The following FSHR variants were observed in gnomAD, a reference collection of about 807,000 sequenced individuals.
The protein encoded by FSHR is follicle-stimulating hormone receptor.
FSHR carries 46 observed loss-of-function variants against 52.1 expected under a neutral mutation model. The ratio of observed to expected loss-of-function variants is 0.88; its 90% CI spans 0.70 to 1.13. FSHR has a LOEUF of 1.13. Ranked by LOEUF, FSHR falls within the 50% of genes most tolerant of loss-of-function variation. FSHR has a pLI of 0.00. For missense variants in FSHR, 964 were observed against 834.6 expected (o/e 1.16, Z -1.91); for synonymous variants, 399 against 309.6 (o/e 1.29, Z -3.03).
At chr2:48,974,005 G>A (rs1486333153) in intron 8 of FSHR, among the ~76,000 whole-genome samples, 1 of 145,096 alleles carries the variant, frequency 6.9e-6, no homozygotes, top group South Asian at 2.1e-4. Context: ...GTAAGTAGTT[G>A]TCTGATAAGC....
At chr2:49,134,944 T>C (rs1291428378) in intron 1 of FSHR, among the ~76,000 whole-genome samples, 4 of 152,168 alleles carry the variant, frequency 2.6e-5, no homozygotes, top group Middle Eastern at 3.4e-3. Flanking sequence ...AGGGATAGCA[T>C]TGGGAGATAT....
intron 1 of FSHR, among the ~76,000 whole-genome samples, chr2:49,151,766 T>G (rs79347228): frequency 2.1e-4 from 32 of 152,148 alleles, no homozygotes; most frequent in Non-Finnish European, 4.3e-4. Context: ...AGATACTTAG[T>G]TGAACAGTCC....
At chr2:48,989,333 A>G (rs1675663809) in intron 5 of FSHR, among the ~76,000 whole-genome samples, 1 of 136,446 alleles carries the variant, frequency 7.3e-6, no homozygotes, top group Non-Finnish European at 1.5e-5. Context: ...CCCAGGCTGG[A>G]GTGCAGTGGT....
chr2:49,000,430 T>C (rs1380065973), intron 4 of FSHR, among the ~76,000 whole-genome samples: 1 of 152,138 alleles, frequency 6.6e-6, no homozygotes, highest in Non-Finnish European at 1.5e-5. Flanking sequence ...TTGTCACTAT[T>C]GATGTTTGTG....
intron 4 of FSHR, among the ~76,000 whole-genome samples, chr2:49,008,634 G>A (rs1340087092): frequency 1.2e-4 from 17 of 142,222 alleles, no homozygotes; most frequent in Admixed American, 1.0e-3. Context: ...CTAGTTTACA[G>A]TCCCACCAAC....
intron 8 of FSHR, 96 bp downstream of exon 8, chr2:48,982,816 G>A: frequency 9.4e-7 from 1 of 1,067,172 alleles, no homozygotes; most frequent in Non-Finnish European, 1.5e-6. Context: ...TTGATGGCCA[G>A]CCCTGTGTTG....
At chr2:49,108,396 T>C (rs1442835925) in intron 1 of FSHR, among the ~76,000 whole-genome samples, 1 of 152,170 alleles carries the variant, frequency 6.6e-6, no homozygotes, top group African/African-American at 2.4e-5. Flanking sequence ...TGGAGAACCC[T>C]GACCTAATAC....
At chr2:49,060,484 A>G (rs1294016318) in intron 2 of FSHR, among the ~76,000 whole-genome samples, 1 of 152,054 alleles carries the variant, frequency 6.6e-6, no homozygotes, top group Non-Finnish European at 1.5e-5. Flanking sequence ...GTGGTCACAC[A>G]CCCCAGTACC....
At chr2:49,022,733 T>G (rs2104230920) in intron 2 of FSHR, among the ~76,000 whole-genome samples, 1 of 152,252 alleles carries the variant, frequency 6.6e-6, no homozygotes, top group East Asian at 1.9e-4. Flanking sequence ...GATTCTTTGT[T>G]GCAAAATAAG....
At chr2:49,065,180 G>A (rs761304751) in intron 2 of FSHR, among the ~76,000 whole-genome samples, 1 of 152,066 alleles carries the variant, frequency 6.6e-6, no homozygotes, top group Admixed American at 6.6e-5. Context: ...GGAAATAAAG[G>A]GTTTTGATTT....
At chr2:48,975,387 C>G (rs1674940499) in intron 8 of FSHR, among the ~76,000 whole-genome samples, 1 of 152,112 alleles carries the variant, frequency 6.6e-6, no homozygotes, top group Non-Finnish European at 1.5e-5. Context: ...AATCCAACAC[C>G]TGAACACTGG....
At chr2:48,965,517 G>C (rs1289919965) in intron 9 of FSHR, among the ~76,000 whole-genome samples, 1 of 152,140 alleles carries the variant, frequency 6.6e-6, no homozygotes. Flanking sequence ...GGGAGAAGAG[G>C]GGTATCCTGT....
intron 1 of FSHR, among the ~76,000 whole-genome samples, chr2:49,135,776 A>T (rs894624456): frequency 6.6e-6 from 1 of 152,218 alleles, no homozygotes; most frequent in Admixed American, 6.5e-5. Flanking sequence ...TGTGTATTGT[A>T]TACTGTATTC....
chr2:49,068,316 T>C, intron 1 of FSHR, 26 bp from the exon 2 acceptor site: 1 of 1,569,930 alleles, frequency 6.4e-7, no homozygotes, highest in Admixed American at 1.7e-5. Flanking sequence ...AAATAAAATA[T>C]CACAACCTAT....
chr2:48,978,984 T>C (rs1253755721), intron 8 of FSHR, among the ~76,000 whole-genome samples: 1 of 152,120 alleles, frequency 6.6e-6, no homozygotes, highest in African/African-American at 2.4e-5. Context: ...CACATTTGGC[T>C]TGTGGAGGAG....
intron 1 of FSHR, among the ~76,000 whole-genome samples, chr2:49,114,511 T>C (rs1256734881): frequency 6.6e-6 from 1 of 152,214 alleles, no homozygotes; most frequent in African/African-American, 2.4e-5. Flanking sequence ...ATCTTCAGAC[T>C]GGCTGTAATA....
chr2:48,989,718 C>A (rs1264948200), intron 5 of FSHR, among the ~76,000 whole-genome samples: 1 of 152,152 alleles, frequency 6.6e-6, no homozygotes, highest in Non-Finnish European at 1.5e-5. Flanking sequence ...CTTCTTACAG[C>A]TAGTTTCCTT....
chr2:49,143,973 T>C (rs886978054), intron 1 of FSHR, among the ~76,000 whole-genome samples: 11 of 152,018 alleles, frequency 7.2e-5, no homozygotes, highest in African/African-American at 2.7e-4. Context: ...AGCCAGACTT[T>C]CCCCTCAGAA....
At chr2:49,105,305 A>G (rs1404913707) in intron 1 of FSHR, among the ~76,000 whole-genome samples, 1 of 152,036 alleles carries the variant, frequency 6.6e-6, no homozygotes, top group Admixed American at 6.6e-5. Context: ...GGTATATCTC[A>G]ATCATGTTGC....
Sources: allele counts gnomAD v4.1 joint callset (sites outside exome capture counted in the v4.1 genomes callset), GRCh38; gene constraint gnomAD v4.1.1; transcripts MANE v1.5; gene names NCBI Gene and HGNC (gene_info 2026-07-23, HGNC 2026-07-21).